MRC1: variants seen among roughly 807,000 people sequenced by gnomAD.
MRC1 encodes the protein macrophage mannose receptor 1.
In MRC1, 62 loss-of-function variants were observed where a neutral mutation model predicts 102.9. The observed-to-expected ratio is 0.60, with a 90% CI of 0.49 to 0.74. MRC1 has a LOEUF of 0.74. Ranked by LOEUF, MRC1 falls within the 30% of genes least tolerant of loss-of-function variation. The pLI, the probability that MRC1 is intolerant of heterozygous loss-of-function variation, is 0.00. For synonymous variants in MRC1, 457 were observed against 298.4 expected (o/e 1.53, Z -5.48); for missense variants, 1,237 against 862.8 (o/e 1.43, Z -5.43).
At chr10:17,847,321 T>A (rs1426475088) in intron 6 of MRC1, among the ~76,000 whole-genome samples, 2 of 152,294 alleles carry the variant, frequency 1.3e-5, no homozygotes, top group East Asian at 1.9e-4. Flanking sequence ...TCCTCATGTG[T>A]AAAATGGAAA....
At chr10:17,824,568 A>G (rs1206036158) in intron 2 of MRC1, among the ~76,000 whole-genome samples, 2 of 152,228 alleles carry the variant, frequency 1.3e-5, no homozygotes, top group African/African-American at 4.8e-5. Flanking sequence ...GGGCTCAGAA[A>G]TAAGTTATTT....
In MRC1 at chr10:17,843,603, G is replaced by A. The variant is rs920300117; in HGVS notation, c.917-1686G>A. On this transcript the variant is annotated intron_variant, in intron 5 of 29. Coordinates refer to ENST00000569591, the MANE Select transcript of MRC1 (RefSeq NM_002438.4). Reference sequence around the variant, plus strand: ...TGCTTGAACCCAGGAGGTGGAGGTTGCAGTGAGCTGAGATCACGCCACTGG... The same window carrying A: ...TGCTTGAACCCAGGAGGTGGAGGTTACAGTGAGCTGAGATCACGCCACTGG... Among the ~76,000 whole-genome samples the A allele has an allele frequency of 1.2e-3, 179 of 152,122 alleles. 1 individual carries two copies. The highest frequency in any genetic ancestry group is 4.0e-3 in the African/African-American group (168 of 41,500).
chr10:17,839,955 A>C (rs892064044), intron 4 of MRC1, among the ~76,000 whole-genome samples: 3 of 151,218 alleles, frequency 2.0e-5, no homozygotes, highest in African/African-American at 7.3e-5. Flanking sequence ...AATCCCAGCT[A>C]CTCGAGAGGC....
intron 9 of MRC1, among the ~76,000 whole-genome samples, chr10:17,857,750 C>A (rs2130655090): frequency 6.6e-6 from 1 of 152,260 alleles, no homozygotes; most frequent in African/African-American, 2.4e-5. Context: ...CAATTTTTTT[C>A]TGCCTGGGCT....
At chr10:17,833,362 A>C (rs1448885551) in intron 3 of MRC1, among the ~76,000 whole-genome samples, 1 of 152,034 alleles carries the variant, frequency 6.6e-6, no homozygotes, top group African/African-American at 2.4e-5. Context: ...TTCTGCAAAA[A>C]GTTAAAAAGT....
intron 28 of MRC1, among the ~76,000 whole-genome samples, chr10:17,908,149 G>T (rs933846445): frequency 6.6e-5 from 10 of 152,230 alleles, no homozygotes; most frequent in Non-Finnish European, 8.8e-5. Context: ...AAAGGAACAG[G>T]ATTGGGGAAT....
At chr10:17,904,105 A>G (rs1361010905) in intron 26 of MRC1, among the ~76,000 whole-genome samples, 1 of 152,182 alleles carries the variant, frequency 6.6e-6, no homozygotes, top group Admixed American at 6.5e-5. Context: ...TTGCATACCC[A>G]TAAGCACTGA....
At chr10:17,842,791 C>A (rs1458334479) in intron 5 of MRC1, among the ~76,000 whole-genome samples, 4 of 152,154 alleles carry the variant, frequency 2.6e-5, no homozygotes, top group Non-Finnish European at 4.4e-5. Flanking sequence ...AGGGAGAAAA[C>A]TTCCGGGTTA....
At chr10:17,885,642 T>C (rs1833582306) in intron 22 of MRC1, among the ~76,000 whole-genome samples, 1 of 152,112 alleles carries the variant, frequency 6.6e-6, no homozygotes, top group Non-Finnish European at 1.5e-5. Flanking sequence ...GAAGTGGCAA[T>C]AGTGAGAGGT....
intron 2 of MRC1, among the ~76,000 whole-genome samples, chr10:17,823,843 A>G (rs1838434599): frequency 1.3e-5 from 2 of 152,340 alleles, no homozygotes; most frequent in African/African-American, 4.8e-5. Flanking sequence ...CATTTAGCCA[A>G]ATATGTCTTT....
At chr10:17,838,012 C>T (rs1351835009) in intron 4 of MRC1, among the ~76,000 whole-genome samples, 1 of 151,886 alleles carries the variant, frequency 6.6e-6, no homozygotes, top group Non-Finnish European at 1.5e-5. Flanking sequence ...AGTTCTAAAG[C>T]CCACAGCAAC....
chr10:17,875,848 T>G (rs1833429240), intron 17 of MRC1, among the ~76,000 whole-genome samples: 1 of 152,236 alleles, frequency 6.6e-6, no homozygotes, highest in Non-Finnish European at 1.5e-5. Flanking sequence ...CATACTGTTT[T>G]GCATAGTGGT....
intron 22 of MRC1, among the ~76,000 whole-genome samples, chr10:17,887,725 C>T (rs1184066017): frequency 1.3e-5 from 2 of 152,170 alleles, no homozygotes; most frequent in East Asian, 3.9e-4. Flanking sequence ...TTTTTTCTCC[C>T]AGACATTTTC....
intron 11 of MRC1, among the ~76,000 whole-genome samples, chr10:17,866,074 T>A (rs1343224959): frequency 3.9e-5 from 6 of 152,074 alleles, no homozygotes; most frequent in African/African-American, 1.4e-4. Context: ...ATGAGGCAGG[T>A]CTTGGTATTT....
chr10:17,903,382 C>CTTTTTTTTT (rs1210207060), intron 26 of MRC1, among the ~76,000 whole-genome samples: 1 of 125,052 alleles, frequency 8.0e-6, no homozygotes. Flanking sequence ...TTTTTCTTTT[C>CTTTTTTTTT]TTTTTTTTTC....
At chr10:17,857,170 C>T (rs2130654234) in intron 9 of MRC1, among the ~76,000 whole-genome samples, 1 of 152,136 alleles carries the variant, frequency 6.6e-6, no homozygotes, top group East Asian at 1.9e-4. Flanking sequence ...AAAATCATAG[C>T]ATGGAAGAGT....
At position 17,902,986 on chromosome 10, in the gene MRC1, A is replaced by G. The variant is rs991360846; in HGVS notation, c.3799+864A>G. On this transcript the variant is annotated intron_variant, in intron 26 of 29. Coordinates refer to ENST00000569591, the MANE Select transcript of MRC1 (RefSeq NM_002438.4). ...AATTTTTTTCCTATGAAATGTCTTT[A>G]TTGTCTCTAGTACTAATGTTTATCT... 6.6e-5 allele frequency among the ~76,000 whole-genome samples: 10 copies of G among 152,186 alleles called. No individual in the cohort carries two copies. In the South Asian group the frequency reaches 1.7e-3, roughly 25 times the overall value.
rs892044227 is a variant in MRC1, at chr10:17,875,653, T to G, written c.2550+400T>G. Among the ~76,000 whole-genome samples the G allele has an allele frequency of 2.6e-5, 4 of 152,362 alleles. No homozygotes were observed. In the East Asian group the frequency reaches 7.7e-4, roughly 29 times the overall value. On this transcript the variant is annotated intron_variant, in intron 17 of 29. Transcript: ENST00000569591. ...GTATGTCTATACCACATTTTCTTTATCCACTCATTGGCTGATGGGCATTTA... is the reference window on the plus strand; with the variant it reads ...GTATGTCTATACCACATTTTCTTTAGCCACTCATTGGCTGATGGGCATTTA...
rs1165091367 is a variant in MRC1, at chr10:17,901,023, A to G, written c.3649+70A>G. The G allele has an allele frequency of 3.5e-5, 26 of 739,422 alleles. No homozygotes were observed. The East Asian group carries it at 6.1e-4, about 17-fold the overall frequency. 45.8% of individuals were successfully genotyped at this position (739,422 alleles called of 1,614,324 possible). ...AATAAGCTACTACATACCACTGTTGATATTATTAAACAGTAATGTGTCTTG... is the reference window on the plus strand; with the variant it reads ...AATAAGCTACTACATACCACTGTTGGTATTATTAAACAGTAATGTGTCTTG... On this transcript the variant is annotated intron_variant, in intron 25 of 29. Coordinates refer to ENST00000569591, the MANE Select transcript of MRC1 (RefSeq NM_002438.4).
Sources: gnomAD v4.1 joint callset for allele counts (sites outside exome capture counted in the v4.1 genomes callset) on GRCh38, gnomAD v4.1.1 for gene constraint, MANE v1.5 for transcripts, NCBI Gene and HGNC (gene_info 2026-07-23, HGNC 2026-07-21) for gene names.